The following KCNQ1 variants were observed in gnomAD, a reference collection of about 807,000 sequenced individuals.
The protein encoded by KCNQ1 is potassium voltage-gated channel subfamily KQT member 1.
A neutral mutation model predicts 72.4 loss-of-function variants in KCNQ1; 49 were observed. The observed-to-expected ratio is 0.68, with a 90% confidence interval of 0.54 to 0.86. The LOEUF (loss-of-function observed/expected upper bound fraction) is 0.86, where lower values mean the gene tolerates loss of function less well. Ranked by LOEUF, KCNQ1 falls within the 40% of genes least tolerant of loss-of-function variation. The pLI, the probability that KCNQ1 is intolerant of heterozygous loss-of-function variation, is 0.00. For synonymous variants in KCNQ1, 450 were observed against 412.6 expected (o/e 1.09, Z -1.10); for missense variants, 790 against 945.1 (o/e 0.84, Z 2.15).
rs1848681250 is a variant in KCNQ1, at chr11:2,592,319, C to T, written c.1393+3465C>T. On this transcript the variant is annotated intron_variant, in intron 10 of 15. Coordinates refer to ENST00000155840, the MANE Select transcript of KCNQ1 (RefSeq NM_000218.3). The surrounding 1 kb of genome is among the most constrained non-coding windows in gnomAD (Gnocchi z 5.2). ...TGTCGAGAGGCACAGGCAGGTATGGCAGTGGCAGACCTCAGGGGAGGGAGG... is the reference window on the plus strand; with the variant it reads ...TGTCGAGAGGCACAGGCAGGTATGGTAGTGGCAGACCTCAGGGGAGGGAGG... 6.6e-6 allele frequency among the ~76,000 whole-genome samples: 1 copy of T among 152,210 alleles called. No homozygotes were observed. The highest frequency in any genetic ancestry group is 1.5e-5 in the Non-Finnish European group (1 of 68,034).
chr11:2,812,572 C>T, intron 15 of KCNQ1, among the ~76,000 whole-genome samples: 1 of 152,224 alleles, frequency 6.6e-6, no homozygotes, highest in East Asian at 1.9e-4. Context: ...GAGAGGAGGG[C>T]CAGCCCCGTC....
In KCNQ1 at chr11:2,668,185, T is replaced by C. The variant is rs922931270; in HGVS notation, c.1514+6104T>C. The C allele has an allele frequency of 2.5e-6, 1 of 398,630 alleles. No homozygotes were observed. Among genetic ancestry groups the C allele is most frequent in the East Asian group, 3.6e-5 (1 of 28,072 alleles). 24.7% of individuals were successfully genotyped at this position (398,630 alleles called of 1,614,324 possible). ...ATGCTCCTTGCTGACTGGTGCTCCA[T>C]TGTGTGCATGGCCTACATCATTCAT... On this transcript the variant is annotated intron_variant, in intron 11 of 15. Coordinates refer to ENST00000155840, the MANE Select transcript of KCNQ1 (RefSeq NM_000218.3). The surrounding 1 kb of genome is among the most constrained non-coding windows in gnomAD (Gnocchi z 4.3).
intron 15 of KCNQ1, among the ~76,000 whole-genome samples, chr11:2,845,081 A>G (rs1848295088): frequency 6.6e-6 from 1 of 152,060 alleles, no homozygotes. Flanking sequence ...GAGACCTCCC[A>G]TGACCCCTAC....
In KCNQ1 at chr11:2,458,381, T is replaced by G. The variant is rs186358708; in HGVS notation, c.386+12897T>G. 5.9e-3 allele frequency among the ~76,000 whole-genome samples: 900 copies of G among 152,286 alleles called. 10 individuals are homozygous for G. Among genetic ancestry groups the G allele is most frequent in the African/African-American group, 0.02 (840 of 41,554 alleles). Reference sequence around the variant, plus strand: ...AATCCTGGCAAGCAAACGGAGAGAATCTGACATGTGTCCCAGTCGTGATTA... The same window carrying G: ...AATCCTGGCAAGCAAACGGAGAGAAGCTGACATGTGTCCCAGTCGTGATTA... On this transcript the variant is annotated intron_variant, in intron 1 of 15. Coordinates refer to ENST00000155840, the MANE Select transcript of KCNQ1 (RefSeq NM_000218.3). This position sits in a 1 kb window ranked among gnomAD's most constrained non-coding sequence, Gnocchi z 4.6.
chr11:2,470,722 G>C (rs906975568), intron 1 of KCNQ1, among the ~76,000 whole-genome samples: 4 of 150,744 alleles, frequency 2.7e-5, no homozygotes, highest in Non-Finnish European at 5.9e-5. Context: ...GGGGTGCTTA[G>C]AATTTTATTT....
At chr11:2,780,406 G>A (rs1039112733) in intron 15 of KCNQ1, among the ~76,000 whole-genome samples, 5 of 152,324 alleles carry the variant, frequency 3.3e-5, no homozygotes, top group South Asian at 2.1e-4. Context: ...TCCAGCAGCC[G>A]CCCGGCCCTC....
chr11:2,846,608 C>T (rs1164632532), intron 15 of KCNQ1, among the ~76,000 whole-genome samples: 1 of 152,218 alleles, frequency 6.6e-6, no homozygotes, highest in African/African-American at 2.4e-5. Flanking sequence ...TAGTCTGCCC[C>T]TGGGGTTGGC....
rs1318130357 is a variant in KCNQ1, at chr11:2,733,862, C to CG, written c.1515-34982_1515-34981insG. Among the ~76,000 whole-genome samples the CG allele has an allele frequency of 8.3e-5, 4 of 48,296 alleles. 1 individual carries two copies. The highest frequency in any genetic ancestry group is 3.3e-4 in the African/African-American group (3 of 8,998). 31.7% of individuals were successfully genotyped at this position (48,296 alleles called of 152,430 possible). A position where few individuals can be genotyped will look rare whatever the true frequency, so the allele number is the denominator to read the frequency against. ...CTCTCTCTCTCTCTCTCTCTCCCCCCCCACTTCAGGGCCTTCGCGCCCGCT... is the reference window on the plus strand; with the variant it reads ...CTCTCTCTCTCTCTCTCTCTCCCCCCGCCACTTCAGGGCCTTCGCGCCCGCT... On this transcript the variant is annotated intron_variant, in intron 11 of 15. Transcript: ENST00000155840.
Position 2,824,560 on chromosome 11 carries a change from A to T in KCNQ1, c.1795-23207A>T, listed in dbSNP as rs1384518972. Among the ~76,000 whole-genome samples, 1 of 152,092 alleles carries T rather than the reference A, an allele frequency of 6.6e-6. No homozygotes were observed. The highest frequency in any genetic ancestry group is 1.5e-5 in the Non-Finnish European group (1 of 67,998). ...GCTCAGCAGGGAGATTGGAGCTGAA[A>T]ACAGAGGCTGCAACATGGAGGTGGT... On this transcript the variant is annotated intron_variant, in intron 15 of 15. Transcript: ENST00000155840. This position sits in a 1 kb window ranked among gnomAD's most constrained non-coding sequence, Gnocchi z 5.9.
chr11:2,838,947 C>T (rs2981606), intron 15 of KCNQ1, among the ~76,000 whole-genome samples: 2 of 152,298 alleles, frequency 1.3e-5, no homozygotes, highest in East Asian at 3.9e-4. Flanking sequence ...GCCTGCCCGA[C>T]GTTCCTGCCC....
At chr11:2,755,657 A>T (rs943074505) in intron 11 of KCNQ1, among the ~76,000 whole-genome samples, 2 of 152,250 alleles carry the variant, frequency 1.3e-5, no homozygotes, top group African/African-American at 4.8e-5. Context: ...TTACAGATAC[A>T]AAGTCCCTTT....
At position 2,827,523 on chromosome 11, in the gene KCNQ1, C is replaced by T. The variant is rs1467337967; in HGVS notation, c.1795-20244C>T. 6.6e-6 allele frequency among the ~76,000 whole-genome samples: 1 copy of T among 151,260 alleles called. No individual in the cohort carries two copies. Among genetic ancestry groups the T allele is most frequent in the Non-Finnish European group, 1.5e-5 (1 of 67,888 alleles). On this transcript the variant is annotated intron_variant, in intron 15 of 15. Coordinates refer to ENST00000155840, the MANE Select transcript of KCNQ1 (RefSeq NM_000218.3). This position sits in a 1 kb window ranked among gnomAD's most constrained non-coding sequence, Gnocchi z 6.7. ...GTCATCCCCCTTTCTGTCCACCCGC[C>T]GGAATGTGACGCACGCCTGAGTCGC...
Position 2,695,195 on chromosome 11 carries a change from C to T in KCNQ1, c.1514+33114C>T. On this transcript the variant is annotated intron_variant, in intron 11 of 15. Coordinates refer to ENST00000155840, the MANE Select transcript of KCNQ1 (RefSeq NM_000218.3). The surrounding 1 kb of genome is among the most constrained non-coding windows in gnomAD (Gnocchi z 5.2). ...TGATCACAGCCCTCAGCCTATGAAA[C>T]ACTGTCACCCTGTAAGGGTCTGCAT... 2 of 398,614 alleles carry T rather than the reference C, an allele frequency of 5.0e-6. No individual in the cohort carries two copies. The highest frequency in any genetic ancestry group is 2.5e-4 in the South Asian group (2 of 7,864). The allele number at this position is 398,614 out of a possible 1,614,324, so 24.7% of individuals were successfully genotyped here. A position where few individuals can be genotyped will look rare whatever the true frequency, so the allele number is the denominator to read the frequency against.
chr11:2,719,714 A>G (rs1314890615), intron 11 of KCNQ1, among the ~76,000 whole-genome samples: 1 of 152,192 alleles, frequency 6.6e-6, no homozygotes, highest in African/African-American at 2.4e-5. Context: ...CTGCCCTCGG[A>G]TCATTTGGGG....
chr11:2,666,373 G>C (rs1850067537), intron 11 of KCNQ1: 1 of 398,544 alleles, frequency 2.5e-6, no homozygotes, highest in African/African-American at 2.1e-5. Flanking sequence ...GGCCTCTTGT[G>C]ACATGACAGC....
chr11:2,613,522 A>C lies in KCNQ1; in HGVS notation c.1393+24668A>C, dbSNP rs1426569136. The C allele has an allele frequency of 2.5e-6, 1 of 398,432 alleles. No homozygotes were observed. The highest frequency in any genetic ancestry group is 2.1e-5 in the African/African-American group (1 of 48,606). The allele number at this position is 398,432 out of a possible 1,614,324, so 24.7% of individuals were successfully genotyped here. ...CCCTGAGCTTGGGTGGGGAGATGGC[A>C]GCCCCACGTTAAATCATAACCCTGC... On this transcript the variant is annotated intron_variant, in intron 10 of 15. Transcript: ENST00000155840. The surrounding 1 kb of genome is among the most constrained non-coding windows in gnomAD (Gnocchi z 4.8).
rs191118119 is a variant in KCNQ1 at position 2,611,322 on chromosome 11, C to A, written c.1393+22468C>A. ...GCAACCTCTGCCTCCCGGATTCAAG[C>A]CGTTCTCTTGCCTCAGCATCCCAAG... On this transcript the variant is annotated intron_variant, in intron 10 of 15. Coordinates refer to ENST00000155840, the MANE Select transcript of KCNQ1 (RefSeq NM_000218.3). This position sits in a 1 kb window ranked among gnomAD's most constrained non-coding sequence, Gnocchi z 5.3. 2.5e-4 allele frequency: 98 copies of A among 397,364 alleles called. No individual in the cohort carries two copies. The highest frequency in any genetic ancestry group is 1.5e-3 in the African/African-American group (71 of 48,700). The allele number at this position is 397,364 out of a possible 1,614,324, so 24.6% of individuals were successfully genotyped here.
chr11:2,490,677 G>A (rs571060407), intron 1 of KCNQ1, among the ~76,000 whole-genome samples: 110 of 152,272 alleles, frequency 7.2e-4, no homozygotes, highest in African/African-American at 2.6e-3. Context: ...AGACCACCAA[G>A]GCAGTATTTT....
chr11:2,640,012 C>G (rs773472696), intron 10 of KCNQ1: 1 of 158,710 alleles, frequency 6.3e-6, no homozygotes, highest in Non-Finnish European at 1.4e-5. Context: ...GAGCCAGGCG[C>G]GGGATATAAT....
Sources: gnomAD v4.1 joint callset for allele counts (sites outside exome capture counted in the v4.1 genomes callset) on GRCh38, gnomAD v4.1.1 for gene constraint, Gnocchi (gnomAD v3.1) non-coding constraint, MANE v1.5 for transcripts, NCBI Gene and HGNC (gene_info 2026-07-23, HGNC 2026-07-21) for gene names.